TNKS: variants seen among roughly 807,000 people sequenced by gnomAD.
TNKS encodes the protein poly [ADP-ribose] polymerase tankyrase-1.
A neutral mutation model predicts 135.8 loss-of-function variants in TNKS; 72 were observed. That is an observed-to-expected ratio of 0.53 (90% confidence interval 0.44 to 0.64). The LOEUF is 0.64. Ranked by LOEUF, TNKS falls within the 30% of genes least tolerant of loss-of-function variation. The pLI is 0.00. For synonymous variants in TNKS, 849 were observed against 649.3 expected (o/e 1.31, Z -4.68); for missense variants, 1,769 against 1,674.0 (o/e 1.06, Z -0.99).
chr8:9,734,626 A>G, intron 15 of TNKS, among the ~76,000 whole-genome samples: 1 of 152,196 alleles, frequency 6.6e-6, no homozygotes, highest in Non-Finnish European at 1.5e-5. Flanking sequence ...AAAGATACTT[A>G]ACACTCTCCC....
chr8:9,579,667 C>G (rs897496894), intron 1 of TNKS, among the ~76,000 whole-genome samples: 1 of 152,118 alleles, frequency 6.6e-6, no homozygotes, highest in African/African-American at 2.4e-5. Context: ...CGGGGTATCA[C>G]CATGTTGGCC....
chr8:9,762,173 C>G (rs1363341579), intron 21 of TNKS, among the ~76,000 whole-genome samples: 1 of 152,130 alleles, frequency 6.6e-6, no homozygotes, highest in African/African-American at 2.4e-5. Context: ...TCAGCTTTGT[C>G]TTTTTCCATT....
chr8:9,741,327 G>A (rs1233236033), intron 17 of TNKS, among the ~76,000 whole-genome samples: 1 of 152,042 alleles, frequency 6.6e-6, no homozygotes, highest in African/African-American at 2.4e-5. Context: ...GGGACAGATG[G>A]TGGCCATAGA....
intron 26 of TNKS, among the ~76,000 whole-genome samples, chr8:9,773,802 C>T (rs1399635261): frequency 6.6e-6 from 1 of 151,946 alleles, no homozygotes; most frequent in Non-Finnish European, 1.5e-5. Flanking sequence ...CTTCCATATT[C>T]AGGTATACTT....
rs181072261 is a variant in TNKS, at chr8:9,735,092, C to T, written c.2533+8C>T. 335 of 1,610,156 alleles carry T rather than the reference C, an allele frequency of 2.1e-4. No homozygotes were observed. The African/African-American group carries it at 3.9e-3, about 19-fold the overall frequency. ...CCCCTCTGCACCTGGCAGGTAAGCGCCCCCAGTGCCTCCAAGCCTCCTTTT... is the reference window on the plus strand; with the variant it reads ...CCCCTCTGCACCTGGCAGGTAAGCGTCCCCAGTGCCTCCAAGCCTCCTTTT... On this transcript the variant is annotated splice_region_variant and intron_variant, in intron 16 of 26. Transcript: ENST00000310430.
At chr8:9,749,176 T>C (rs1029748791) in intron 18 of TNKS, among the ~76,000 whole-genome samples, 2 of 152,226 alleles carry the variant, frequency 1.3e-5, no homozygotes, top group African/African-American at 4.8e-5. Context: ...TCCACCTTCT[T>C]TGAAAGGAGA....
At chr8:9,702,914 G>T (rs1218403573) in intron 5 of TNKS, among the ~76,000 whole-genome samples, 1 of 152,174 alleles carries the variant, frequency 6.6e-6, no homozygotes, top group Admixed American at 6.5e-5. Context: ...TACTCGGGAG[G>T]CTGAGACAGG....
At chr8:9,648,741 G>A (rs989036375) in intron 3 of TNKS, among the ~76,000 whole-genome samples, 1 of 152,108 alleles carries the variant, frequency 6.6e-6, no homozygotes, top group Non-Finnish European at 1.5e-5. Context: ...TGTTGTATAT[G>A]TGGTCTCTTA....
At chr8:9,699,704 C>T (rs1212617741) in intron 5 of TNKS, among the ~76,000 whole-genome samples, 2 of 152,212 alleles carry the variant, frequency 1.3e-5, no homozygotes, top group African/African-American at 2.4e-5. Context: ...ACTTTGCTGA[C>T]AGCGTCATCA....
intron 1 of TNKS, chr8:9,557,909 A>C (rs1327668929): frequency 6.6e-6 from 1 of 152,178 alleles, no homozygotes; most frequent in Non-Finnish European, 1.5e-5. Flanking sequence ...AGGCAGTTTG[A>C]TTTTAGAGCT....
chr8:9,689,642 A>G (rs1803168571), intron 5 of TNKS, among the ~76,000 whole-genome samples: 1 of 152,192 alleles, frequency 6.6e-6, no homozygotes, highest in South Asian at 2.1e-4. Flanking sequence ...ACAGAACTAG[A>G]CGTCTCTGCT....
chr8:9,699,437 C>G (rs1382411005), intron 5 of TNKS, among the ~76,000 whole-genome samples: 4 of 152,154 alleles, frequency 2.6e-5, no homozygotes, highest in Admixed American at 1.3e-4. Context: ...CTTTTAGTGG[C>G]ATGAGTTTGC....
At chr8:9,699,782 T>G (rs1451313990) in intron 5 of TNKS, among the ~76,000 whole-genome samples, 1 of 152,200 alleles carries the variant, frequency 6.6e-6, no homozygotes, top group African/African-American at 2.4e-5. Flanking sequence ...GCTCTCTCTC[T>G]TCAGCTTTAT....
At chr8:9,681,344 A>G (rs1019152408) in intron 5 of TNKS, among the ~76,000 whole-genome samples, 1 of 152,172 alleles carries the variant, frequency 6.6e-6, no homozygotes, top group Non-Finnish European at 1.5e-5. Flanking sequence ...AACAGAGAGG[A>G]ATATTCTATA....
At chr8:9,635,528 G>A (rs1302764849) in intron 3 of TNKS, among the ~76,000 whole-genome samples, 1 of 152,174 alleles carries the variant, frequency 6.6e-6, no homozygotes, top group East Asian at 1.9e-4. Context: ...ATGAGCAGCT[G>A]TATAATTATA....
intron 3 of TNKS, among the ~76,000 whole-genome samples, chr8:9,672,680 A>T (rs972575191): frequency 1.1e-4 from 12 of 112,958 alleles, no homozygotes; most frequent in Non-Finnish European, 2.2e-4. Flanking sequence ...AAAAAAACAC[A>T]TACACACACA....
chr8:9,780,938 T>C lies in TNKS; in HGVS notation c.*4202T>C, dbSNP rs1266604736. The C allele has an allele frequency of 1.3e-5, 2 of 152,230 alleles. No homozygotes were observed. Among genetic ancestry groups the C allele is most frequent in the Non-Finnish European group, 2.9e-5 (2 of 68,036 alleles). 9.4% of individuals were successfully genotyped at this position (152,230 alleles called of 1,614,324 possible). A position where few individuals can be genotyped will look rare whatever the true frequency, so the allele number is the denominator to read the frequency against. ...ATTTCAAAGCCTATTCAGTTGTGTATGTGGGGATACGACAGCAACTGTGAT... is the reference window on the plus strand; with the variant it reads ...ATTTCAAAGCCTATTCAGTTGTGTACGTGGGGATACGACAGCAACTGTGAT... On this transcript the variant is annotated 3_prime_UTR_variant, in exon 27 of 27. Coordinates refer to ENST00000310430, the MANE Select transcript of TNKS (RefSeq NM_003747.3).
chr8:9,772,414 A>AATACATGATGT, intron 26 of TNKS: 1 of 455,712 alleles, frequency 2.2e-6, no homozygotes, highest in Non-Finnish European at 4.4e-6. Context: ...TCCAGCCAAA[A>AATACATGATGT]ATACATGATG....
Position 9,678,361 on chromosome 8 carries a change from C to T in TNKS, c.995-1590C>T, listed in dbSNP as rs1361989392. Among the ~76,000 whole-genome samples, 6 of 152,050 alleles carry T rather than the reference C, an allele frequency of 3.9e-5. No individual in the cohort carries two copies. In the South Asian group the frequency reaches 1.0e-3, roughly 26 times the overall value. Reference sequence around the variant, plus strand: ...AGGTAGGTCTTGGGCTTTGGGAAGGCAGGAACTTAAATAGATGGAGGATAT... The same window carrying T: ...AGGTAGGTCTTGGGCTTTGGGAAGGTAGGAACTTAAATAGATGGAGGATAT... On this transcript the variant is annotated intron_variant, in intron 3 of 26. Transcript: ENST00000310430.
Sources: allele counts gnomAD v4.1 joint callset (sites outside exome capture counted in the v4.1 genomes callset), GRCh38; gene constraint gnomAD v4.1.1; transcripts MANE v1.5; gene names NCBI Gene and HGNC (gene_info 2026-07-23, HGNC 2026-07-21).